The following SEC23B variants were observed in gnomAD, a reference collection of about 807,000 sequenced individuals.
SEC23B encodes the protein SEC23 homolog B, COPII component, also known as protein transport protein Sec23B.
Under a neutral mutation model 104.3 loss-of-function variants are expected in SEC23B, and 77 were observed. That is an observed-to-expected ratio of 0.74 (90% CI 0.61 to 0.89). SEC23B has a LOEUF of 0.89. SEC23B is among the 40% of genes least tolerant of loss of function. SEC23B has a pLI of 0.00. For synonymous variants in SEC23B, 338 were observed against 332.5 expected (o/e 1.02, Z -0.18); for missense variants, 885 against 949.4 (o/e 0.93, Z 0.89).
intron 7 of SEC23B, 135 bp from the exon 8 acceptor site, chr20:18,526,238 G>C (rs775188133): frequency 8.9e-6 from 9 of 1,010,952 alleles, no homozygotes; most frequent in Non-Finnish European, 1.4e-5. Context: ...ATTATCATCT[G>C]TATTATTCTG....
At position 18,524,682 on chromosome 20, in the gene SEC23B, C is replaced by A; in HGVS notation, c.603+13C>A. On this transcript the variant is annotated intron_variant, in intron 5 of 19. Coordinates refer to ENST00000650089, the MANE Select transcript of SEC23B (RefSeq NM_006363.6). ...AAAGCAAATACAGGTTTGTACCTTA[C>A]TTGTACAGGAGCAGAAACAAGGACT... 1.9e-6 allele frequency: 3 copies of A among 1,597,004 alleles called. No homozygotes were observed. Among genetic ancestry groups the A allele is most frequent in the Non-Finnish European group, 2.6e-6 (3 of 1,165,396 alleles).
intron 4 of SEC23B, among the ~76,000 whole-genome samples, chr20:18,523,931 G>A (rs571180199): frequency 3.2e-4 from 48 of 152,130 alleles, no homozygotes; most frequent in Non-Finnish European, 4.7e-4. Context: ...TGGCAGCCTG[G>A]TCTTGAACTC....
chr20:18,557,709 A>G (rs1184364523), intron 19 of SEC23B, among the ~76,000 whole-genome samples: 4 of 150,098 alleles, frequency 2.7e-5, no homozygotes, highest in East Asian at 1.9e-4. Context: ...TTCTTTTTAG[A>G]GATCTTTTAG....
chr20:18,555,016 C>T (rs1292482265), intron 18 of SEC23B, 92 bp from the exon 19 acceptor site: 5 of 1,138,640 alleles, frequency 4.4e-6, no homozygotes, highest in Non-Finnish European at 6.5e-6. Context: ...TTTAACCAAA[C>T]AAATGTTGTA....
At chr20:18,519,632 T>C (rs2060065007) in intron 4 of SEC23B, among the ~76,000 whole-genome samples, 1 of 152,102 alleles carries the variant, frequency 6.6e-6, no homozygotes, top group Non-Finnish European at 1.5e-5. Context: ...TTAGGGAGAC[T>C]AGTGTGGGGG....
rs2059975997 is a variant in SEC23B, at chr20:18,510,921, T to C, written c.86T>C (p.Leu29Pro). 1.2e-6 allele frequency: 2 copies of C among 1,614,194 alleles called. No individual in the cohort carries two copies. Among genetic ancestry groups the C allele is most frequent in the Non-Finnish European group, 1.7e-6 (2 of 1,180,030 alleles). ...TGGAACGTGTGGCCTTCCAGCCGGC[T>C]GGAGGCTACAAGAATGGTTGTACCC... is the stretch of plus-strand genomic sequence containing the variant. ...FSWNVWPSSRLEATRMVVPLA... is the reference protein window; with the variant it reads ...FSWNVWPSSRPEATRMVVPLA... The change falls in exon 2 of 20, where the codon CTG (leucine) becomes CCG (proline). Residue 29 changes from leucine (L) to proline (P), a missense_variant. By Grantham distance (98) the Leu-to-Pro change is moderately conservative. Transcript: ENST00000650089.
chr20:18,553,414 G>C (rs140051996), intron 17 of SEC23B, among the ~76,000 whole-genome samples: 12 of 152,340 alleles, frequency 7.9e-5, no homozygotes, highest in Non-Finnish European at 1.6e-4. Flanking sequence ...CACACTTGCT[G>C]TAGCCTCTTT....
At chr20:18,559,363 C>T (rs1190773722) in intron 19 of SEC23B, among the ~76,000 whole-genome samples, 1 of 152,128 alleles carries the variant, frequency 6.6e-6, no homozygotes, top group South Asian at 2.1e-4. Flanking sequence ...GGTGGAAGTC[C>T]AGGCTCCCCA....
At chr20:18,537,142 G>A (rs1380777548) in intron 12 of SEC23B, among the ~76,000 whole-genome samples, 3 of 151,728 alleles carry the variant, frequency 2.0e-5, no homozygotes, top group African/African-American at 7.3e-5. Flanking sequence ...CACTGTTGGT[G>A]GACTGTAAAC....
intron 4 of SEC23B, among the ~76,000 whole-genome samples, chr20:18,522,916 A>G (rs2060096996): frequency 6.6e-6 from 1 of 151,882 alleles, no homozygotes; most frequent in African/African-American, 2.4e-5. Flanking sequence ...AAAATTTAAA[A>G]ATTAGCCGGG....
At chr20:18,519,139 A>G (rs1188070482) in intron 4 of SEC23B, among the ~76,000 whole-genome samples, 1 of 152,222 alleles carries the variant, frequency 6.6e-6, no homozygotes, top group Non-Finnish European at 1.5e-5. Context: ...ACTGCCATCA[A>G]TAAACCAGGT....
intron 17 of SEC23B, among the ~76,000 whole-genome samples, chr20:18,552,769 G>A (rs758363241): frequency 2.6e-5 from 4 of 152,094 alleles, no homozygotes; most frequent in African/African-American, 9.7e-5. Flanking sequence ...AGCTAAGATC[G>A]AGCCAGTGCA....
At chr20:18,559,172 C>T (rs1417086501) in intron 19 of SEC23B, among the ~76,000 whole-genome samples, 1 of 151,554 alleles carries the variant, frequency 6.6e-6, no homozygotes, top group Non-Finnish European at 1.5e-5. Flanking sequence ...CTCGGGGTGT[C>T]TAGTGATTTC....
chr20:18,516,866 C>T (rs2060033468), intron 4 of SEC23B, among the ~76,000 whole-genome samples: 1 of 151,462 alleles, frequency 6.6e-6, no homozygotes, highest in Non-Finnish European at 1.5e-5. Context: ...TTTTTAGGCT[C>T]TTTATTGTCC....
At chr20:18,545,858 G>T (rs1186154919) in intron 14 of SEC23B, 98 bp from the exon 15 acceptor site, 1 of 789,286 alleles carries the variant, frequency 1.3e-6, no homozygotes, top group Non-Finnish European at 2.3e-6. Context: ...CAGACTGGAT[G>T]TAGCTTAGTC....
intron 11 of SEC23B, among the ~76,000 whole-genome samples, chr20:18,533,496 T>C (rs1013770522): frequency 7.2e-5 from 11 of 152,188 alleles, no homozygotes; most frequent in African/African-American, 2.7e-4. Flanking sequence ...AAAGGACTTA[T>C]TTGCTCTGTG....
At chr20:18,517,270 T>C (rs2060037781) in intron 4 of SEC23B, among the ~76,000 whole-genome samples, 1 of 152,134 alleles carries the variant, frequency 6.6e-6, no homozygotes, top group South Asian at 2.1e-4. Flanking sequence ...GGTTTTGGGA[T>C]AGGCAGTGGA....
intron 12 of SEC23B, among the ~76,000 whole-genome samples, chr20:18,542,092 T>G (rs979719992): frequency 3.3e-5 from 5 of 152,240 alleles, no homozygotes; most frequent in Non-Finnish European, 7.3e-5. Flanking sequence ...TTAACTTAAG[T>G]TCAGTATTGA....
chr20:18,546,286 T>C (rs1345940930), intron 15 of SEC23B, among the ~76,000 whole-genome samples: 1 of 152,166 alleles, frequency 6.6e-6, no homozygotes, highest in African/African-American at 2.4e-5. Context: ...GGATCATTGA[T>C]ATAAGGCCGT....
Sources: allele counts gnomAD v4.1 joint callset (sites outside exome capture counted in the v4.1 genomes callset), GRCh38; gene constraint gnomAD v4.1.1; transcripts MANE v1.5; gene names NCBI Gene and HGNC (gene_info 2026-07-23, HGNC 2026-07-21).